Variants in SHANK2 observed in about 807,000 individuals in gnomAD.
SHANK2 encodes the protein SH3 and multiple ankyrin repeat domains protein 2.
A neutral mutation model predicts 133.7 loss-of-function variants in SHANK2; 43 were observed. That is an observed-to-expected ratio of 0.32 (90% CI 0.25 to 0.41). The LOEUF (loss-of-function observed/expected upper bound fraction) is 0.41, where lower values mean the gene tolerates loss of function less well. SHANK2 is among the 10% of genes least tolerant of loss of function. SHANK2 has a pLI of 1.00. For synonymous variants in SHANK2, 1,017 were observed against 952.8 expected, an observed-to-expected ratio of 1.07 and a Z score of -1.24; for missense variants, 1,994 against 2,235.8, an observed-to-expected ratio of 0.89 and a Z score of 2.18.
At chr11:71,119,756 T>C (rs1952049126) in intron 3 of SHANK2, among the ~76,000 whole-genome samples, 1 of 152,164 alleles carries the variant, frequency 6.6e-6, no homozygotes, top group Non-Finnish European at 1.5e-5. Flanking sequence ...TCAGCAGGTC[T>C]GGGTGGGACC....
chr11:71,196,185 T>G (rs1289160424), intron 2 of SHANK2, among the ~76,000 whole-genome samples: 4 of 152,118 alleles, frequency 2.6e-5, no homozygotes, highest in African/African-American at 9.7e-5. Flanking sequence ...CAAGACCCTG[T>G]CTCAAAAATA....
chr11:71,115,677 T>C (rs1381981450), intron 4 of SHANK2, among the ~76,000 whole-genome samples: 1 of 152,094 alleles, frequency 6.6e-6, no homozygotes, highest in Non-Finnish European at 1.5e-5. Flanking sequence ...AATCCGGGGC[T>C]GAGAGAGCAT....
intron 17 of SHANK2, among the ~76,000 whole-genome samples, chr11:70,524,891 C>A (rs2059376535): frequency 6.6e-6 from 1 of 152,262 alleles, no homozygotes; most frequent in Non-Finnish European, 1.5e-5. Context: ...TACATGCTCA[C>A]ACGCACACAG....
intron 2 of SHANK2, among the ~76,000 whole-genome samples, chr11:71,217,907 G>A (rs1261211083): frequency 1.3e-5 from 2 of 152,132 alleles, no homozygotes; most frequent in African/African-American, 4.8e-5. Flanking sequence ...CTGGAGTGCA[G>A]TGGCGCGTTC....
chr11:70,674,794 A>G (rs1281720991), intron 15 of SHANK2, among the ~76,000 whole-genome samples: 1 of 152,252 alleles, frequency 6.6e-6, no homozygotes, highest in Admixed American at 6.5e-5. Flanking sequence ...AGCCATGACA[A>G]TATGTAAATG....
intron 2 of SHANK2, among the ~76,000 whole-genome samples, chr11:71,185,429 T>C (rs1183202899): frequency 6.6e-6 from 1 of 152,190 alleles, no homozygotes; most frequent in Non-Finnish European, 1.5e-5. Flanking sequence ...TTGGCCACAT[T>C]CTGAGTAATG....
Position 70,850,751 on chromosome 11 carries a change from C to T in SHANK2, c.1175-30069G>A, listed in dbSNP as rs369693786. 3.9e-4 allele frequency among the ~76,000 whole-genome samples: 60 copies of T among 152,218 alleles called. 1 individual carries two copies. In the East Asian group the frequency reaches 6.0e-3, roughly 15 times the overall value. ...GTTCTGAATCCCATCAGACTGCTGG[C>T]GAATGGGGAGAAGCTGGGAAAGGTG... On this transcript the variant is annotated intron_variant, in intron 11 of 25. Coordinates refer to ENST00000601538, the MANE Select transcript of SHANK2 (RefSeq NM_012309.5).
chr11:70,746,607 C>T (rs530395485), intron 14 of SHANK2, among the ~76,000 whole-genome samples: 1 of 152,300 alleles, frequency 6.6e-6, no homozygotes, highest in Non-Finnish European at 1.5e-5. Context: ...GCAGGGTGCC[C>T]CGTGCTCACA....
At chr11:71,183,390 C>T (rs1382107859) in intron 2 of SHANK2, among the ~76,000 whole-genome samples, 1 of 152,078 alleles carries the variant, frequency 6.6e-6, no homozygotes, top group African/African-American at 2.4e-5. Flanking sequence ...GTACTACCCG[C>T]AGTCCCAGCT....
rs77831372 is a variant in SHANK2, at chr11:71,164,925, T to C, written c.-12-17587A>G. ...CTGTGGCTACTCCATCCTGCCATCA[T>C]CTGTAATGACAGTATTTAAGCTGGA... On this transcript the variant is annotated intron_variant, in intron 2 of 25. Transcript: ENST00000601538. Among the ~76,000 whole-genome samples, 715 of 152,326 alleles carry C rather than the reference T, an allele frequency of 4.7e-3. 2 individuals carry two copies. Among genetic ancestry groups the C allele is most frequent in the Non-Finnish European group, 6.9e-3 (467 of 68,036 alleles).
intron 2 of SHANK2, among the ~76,000 whole-genome samples, chr11:71,202,412 T>C (rs1555117275): frequency 1.3e-5 from 2 of 152,212 alleles, no homozygotes; most frequent in African/African-American, 4.8e-5. Context: ...GGCAGGTGAC[T>C]GAACCCATTT....
At chr11:70,655,243 C>T (rs1054163205) in intron 17 of SHANK2, among the ~76,000 whole-genome samples, 5 of 152,166 alleles carry the variant, frequency 3.3e-5, no homozygotes, top group African/African-American at 7.2e-5. Context: ...AAAGTATTTG[C>T]TAATTTGAAA....
intron 17 of SHANK2, among the ~76,000 whole-genome samples, chr11:70,564,114 A>G (rs1565133682): frequency 6.6e-6 from 1 of 151,722 alleles, no homozygotes; most frequent in Non-Finnish European, 1.5e-5. Context: ...TTTGAATCCT[A>G]TGTGCCTGGG....
chr11:71,065,766 G>A (rs1317733016), intron 9 of SHANK2, among the ~76,000 whole-genome samples: 9 of 145,794 alleles, frequency 6.2e-5, no homozygotes, highest in Admixed American at 4.1e-4. Flanking sequence ...AGTGAGTGGC[G>A]AAGTTGGGGA....
At chr11:70,843,916 T>C (rs1052619326) in intron 11 of SHANK2, among the ~76,000 whole-genome samples, 1 of 152,164 alleles carries the variant, frequency 6.6e-6, no homozygotes, top group African/African-American at 2.4e-5. Flanking sequence ...TGCCATCTCC[T>C]TGGGTGGGTG....
Position 70,605,648 on chromosome 11 carries a change from A to G in SHANK2, c.2061+54180T>C, listed in dbSNP as rs535052893. On this transcript the variant is annotated intron_variant, in intron 17 of 25. Coordinates refer to ENST00000601538, the MANE Select transcript of SHANK2 (RefSeq NM_012309.5). ...CGCACGGGGAGCATGTCCATATCGA[A>G]CTCTCTCCAAGGAGGCGGAGGGGGA... Among the ~76,000 whole-genome samples, 34 of 152,082 alleles carry G rather than the reference A, an allele frequency of 2.2e-4. No homozygotes were observed. The East Asian group carries it at 5.6e-3, about 25-fold the overall frequency.
At chr11:70,516,988 G>A (rs560034064) in intron 17 of SHANK2, among the ~76,000 whole-genome samples, 48 of 152,228 alleles carry the variant, frequency 3.2e-4, no homozygotes, top group African/African-American at 1.0e-3. Flanking sequence ...CAGGAGAATC[G>A]CTTGAACCTG....
intron 14 of SHANK2, among the ~76,000 whole-genome samples, chr11:70,767,440 A>G (rs1442487307): frequency 6.6e-6 from 1 of 152,200 alleles, no homozygotes; most frequent in Non-Finnish European, 1.5e-5. Context: ...TGCAGCCCGA[A>G]GGGTGGGAGC....
chr11:71,217,759 A>AG (rs1555120225), intron 2 of SHANK2, among the ~76,000 whole-genome samples: 1 of 152,264 alleles, frequency 6.6e-6, no homozygotes, highest in East Asian at 1.9e-4. Context: ...GAATAGAAAA[A>AG]GGCTTATGGA....
Sources: gnomAD v4.1 joint callset for allele counts (sites outside exome capture counted in the v4.1 genomes callset) on GRCh38, gnomAD v4.1.1 for gene constraint, MANE v1.5 for transcripts, NCBI Gene and HGNC (gene_info 2026-07-23, HGNC 2026-07-21) for gene names.